Variants in SLC4A1 observed in about 807,000 individuals in gnomAD.
SLC4A1 encodes solute carrier family 4 member 1 (Diego blood group), also known as band 3 anion transport protein.
Under a neutral mutation model 93.1 loss-of-function variants are expected in SLC4A1, and 29 were observed. The ratio of observed to expected loss-of-function variants is 0.31; its 90% CI spans 0.23 to 0.42. The LOEUF (loss-of-function observed/expected upper bound fraction) is 0.42. Among genes scored for constraint, SLC4A1 ranks in the 20% least tolerant of loss-of-function variants. The pLI is 1.00. For missense variants in SLC4A1, 965 were observed against 1,190.1 expected (o/e 0.81, Z 2.78); for synonymous variants, 469 against 497.2 (o/e 0.94, Z 0.76).
rs1348593690 is a variant in SLC4A1 at position 44,262,905 on chromosome 17, A to T, written c.-39T>A. 6.2e-7 allele frequency: 1 copy of T among 1,613,810 alleles called. No homozygotes were observed. Among genetic ancestry groups the T allele is most frequent in the Non-Finnish European group, 8.5e-7 (1 of 1,180,014 alleles). On this transcript the variant is annotated 5_prime_UTR_variant, in exon 2 of 20. Coordinates refer to ENST00000262418, the MANE Select transcript of SLC4A1 (RefSeq NM_000342.4). ...GTGTCCAGTTGTCTACGGTGATCTGAGCCCCCAGCATAACCCGCACCGCGG... is the reference window on the plus strand; with the variant it reads ...GTGTCCAGTTGTCTACGGTGATCTGTGCCCCCAGCATAACCCGCACCGCGG...
At chr17:44,259,053 TG>T in intron 9 of SLC4A1, 109 bp downstream of exon 9, 1 of 1,145,974 alleles carries the variant, frequency 8.7e-7, no homozygotes, top group Non-Finnish European at 1.3e-6. Context: ...TTAGGCTGAA[TG>T]GGTCAAACCA....
chr17:44,253,625 C>A (rs753147872), intron 16 of SLC4A1, among the ~76,000 whole-genome samples: 4 of 152,114 alleles, frequency 2.6e-5, no homozygotes, highest in Non-Finnish European at 4.4e-5. Context: ...TTGTACAGGC[C>A]CCTCCAAGAT....
Position 44,252,928 on chromosome 17 carries a change from C to T in SLC4A1, c.2311+190G>A, listed in dbSNP as rs1480238868. Among the ~76,000 whole-genome samples, 3 of 152,158 alleles carry T rather than the reference C, an allele frequency of 2.0e-5. No individual in the cohort carries two copies. In the East Asian group the frequency reaches 5.8e-4, roughly 29 times the overall value. On this transcript the variant is annotated intron_variant, in intron 17 of 19. Coordinates refer to ENST00000262418, the MANE Select transcript of SLC4A1 (RefSeq NM_000342.4). ...AGCCCCCTTCCTCCCTGCTCAGACG[C>T]CCAGCCCAGTGCCTTGGCCTTTCCT... is the stretch of plus-strand genomic sequence containing the variant.
At chr17:44,261,708 C>G (rs2047446742) in intron 3 of SLC4A1, 72 bp from the exon 4 acceptor site, 1 of 1,612,828 alleles carries the variant, frequency 6.2e-7, no homozygotes, top group East Asian at 2.2e-5. Flanking sequence ...CCACTGTGAG[C>G]CTCAGAGACC....
intron 17 of SLC4A1, 130 bp from the exon 18 acceptor site, chr17:44,251,718 T>A (rs2047342275): frequency 1.8e-6 from 1 of 553,474 alleles, no homozygotes; most frequent in Non-Finnish European, 2.9e-6. Context: ...TCCTTTTCTT[T>A]TCTTTTTTTT....
intron 13 of SLC4A1, 64 bp from the exon 14 acceptor site, chr17:44,255,910 C>A (rs2047385037): frequency 6.8e-7 from 1 of 1,479,260 alleles, no homozygotes; most frequent in African/African-American, 1.4e-5. Flanking sequence ...AAAATACCAC[C>A]AGCTAACTCT....
chr17:44,265,240 T>G (rs1314188354), intron 1 of SLC4A1, among the ~76,000 whole-genome samples: 2 of 151,782 alleles, frequency 1.3e-5, no homozygotes, highest in Non-Finnish European at 2.9e-5. Context: ...CGAGGTGACA[T>G]GGACCCCAGG....
rs375505263 is a variant in SLC4A1 at position 44,251,497 on chromosome 17, G to T, written c.2403C>A (p.Ser801Arg). 6.2e-7 allele frequency: 1 copy of T among 1,614,142 alleles called. No homozygotes were observed. Among genetic ancestry groups the T allele is most frequent in the Non-Finnish European group, 8.5e-7 (1 of 1,180,026 alleles). ...IFLYMGVTSL[S>R]GIQLFDRILL... ...AGATGCGGTCAAAGAGCTGGATGCC[G>T]CTGAGCGACGTGACCCCCATGTAGA... The change falls in exon 18 of 20, where the codon AGC becomes AGA. Residue 801 changes from serine to arginine, a missense_variant. Ser to Arg is a moderately radical substitution (Grantham distance 110). Around this residue, in one of 2 missense-constraint regions of SLC4A1, gnomAD observed 770 missense variants for 1,006.6 expected, o/e 0.76. Coordinates refer to ENST00000262418, the MANE Select transcript of SLC4A1 (RefSeq NM_000342.4).
At chr17:44,266,399 G>A (rs113793655) in intron 1 of SLC4A1, among the ~76,000 whole-genome samples, 24 of 152,320 alleles carry the variant, frequency 1.6e-4, no homozygotes, top group African/African-American at 5.8e-4. Context: ...ATGGGGCTGG[G>A]ACTGTGGCCT....
Position 44,255,862 on chromosome 17 carries a change from A to G in SLC4A1, c.1627-16T>C, listed in dbSNP as rs1378126681. 1 of 1,614,054 alleles carries G rather than the reference A, an allele frequency of 6.2e-7. No individual in the cohort carries two copies. The highest frequency in any genetic ancestry group is 1.1e-5 in the South Asian group (1 of 91,072). On this transcript the variant is annotated splice_polypyrimidine_tract_variant and intron_variant, in intron 13 of 19. Transcript: ENST00000262418. ...CCTGGAAGATCTGCAGCAGAAAACC[A>G]AGGCATTCTGTTCTCTCCCAGCTTT... is the stretch of plus-strand genomic sequence containing the variant.
chr17:44,249,231 T>G lies in SLC4A1; in HGVS notation c.*1227A>C, dbSNP rs141425539. On this transcript the variant is annotated 3_prime_UTR_variant, in exon 20 of 20. Coordinates refer to ENST00000262418, the MANE Select transcript of SLC4A1 (RefSeq NM_000342.4). ...TCTCACCACTTTCACGTCTTTCAAC[T>G]CTTTTTATCTTTTTGTTTTATAAAA... 3.8e-3 allele frequency: 1,708 copies of G among 448,152 alleles called. 14 individuals are homozygous for G. Among genetic ancestry groups the G allele is most frequent in the South Asian group, 6.8e-3 (427 of 62,800 alleles). 27.8% of individuals were successfully genotyped at this position (448,152 alleles called of 1,614,324 possible).
chr17:44,251,182 A>G lies in SLC4A1; in HGVS notation c.2632T>C (p.Phe878Leu). ...PLRRVLLPLI[F>L]RNVELQCLDA... ...ACACACTGAAGCTCCACGTTCCTGAAGATGAGCGGCAGCAGGACGCGCCGC... is the reference window on the plus strand; with the variant it reads ...ACACACTGAAGCTCCACGTTCCTGAGGATGAGCGGCAGCAGGACGCGCCGC... The change falls in exon 19 of 20, where the codon TTC (phenylalanine) becomes CTC (leucine). Residue 878 changes from phenylalanine (F) to leucine (L), a missense_variant. By Grantham distance (22) the Phe-to-Leu change is conservative. This residue lies in a region of SLC4A1 where 770 missense variants were observed against 1,006.6 expected (regional missense o/e 0.76). Transcript: ENST00000262418. 1 of 1,609,746 alleles carries G rather than the reference A, an allele frequency of 6.2e-7. No homozygotes were observed. The highest frequency in any genetic ancestry group is 8.5e-7 in the Non-Finnish European group (1 of 1,178,200).
chr17:44,263,721 C>CCTTCCCTCCTTCCCTCCCTTCCCTCCTTT (rs2047470885), intron 1 of SLC4A1, among the ~76,000 whole-genome samples: 2 of 145,620 alleles, frequency 1.4e-5, no homozygotes, highest in African/African-American at 5.5e-5. Flanking sequence ...TTCCTTCCTT[C>CCTTCCCTCCTTCCCTCCCTTCCCTCCTTT]CTTCCTTCCT....
intron 4 of SLC4A1, 107 bp downstream of exon 4, chr17:44,261,468 C>G (rs1467385757): frequency 3.2e-6 from 5 of 1,573,718 alleles, no homozygotes; most frequent in Non-Finnish European, 4.4e-6. Flanking sequence ...GCTGCAGGGT[C>G]TCCCCCAGCC....
rs199656347 is a variant in SLC4A1 at position 44,262,741 on chromosome 17, C to T, written c.16-15G>A. ...TCATAATCATCCTGTGGGAAGTGGC[C>T]GCTGAGGCTGGGCTGTGAGGGGCTC... On this transcript the variant is annotated splice_polypyrimidine_tract_variant and intron_variant, in intron 2 of 19. Transcript: ENST00000262418. 193 of 1,613,190 alleles carry T rather than the reference C, an allele frequency of 1.2e-4. No individual in the cohort carries two copies. The highest frequency in any genetic ancestry group is 1.1e-3 in the East Asian group (48 of 44,878).
chr17:44,257,595 C>A (rs1378682895), intron 12 of SLC4A1, 51 bp from the exon 13 acceptor site: 1 of 1,613,082 alleles, frequency 6.2e-7, no homozygotes. Context: ...TGGGGCAAGG[C>A]ACCATGCATC....
chr17:44,261,709 C>T (rs2047446761), intron 3 of SLC4A1, 73 bp from the exon 4 acceptor site: 2 of 1,612,850 alleles, frequency 1.2e-6, no homozygotes, highest in Non-Finnish European at 1.7e-6. Context: ...CACTGTGAGC[C>T]TCAGAGACCC....
Position 44,260,809 on chromosome 17 carries a change from C to T in SLC4A1, c.175G>A (p.Val59Met), listed in dbSNP as rs2047437641. Residue 59 changes from valine to methionine, a missense_variant, in exon 5 of 20, where the codon GTG (valine) becomes ATG (methionine). Around this residue, in one of 2 missense-constraint regions of SLC4A1, gnomAD observed 195 missense variants for 183.5 expected, o/e 1.06. Transcript: ENST00000262418. The part of the protein sequence containing the change: ...TSHPGTHKVY[V>M]ELQELVMDEK... ...TCCATCACCAGCTCCTGCAGCTCCA[C>T]ATAGACCTGTGGCCCCATGCGCCTG... 6.2e-7 allele frequency: 1 copy of T among 1,612,106 alleles called. No individual in the cohort carries two copies. The highest frequency in any genetic ancestry group is 8.5e-7 in the Non-Finnish European group (1 of 1,180,038).
At chr17:44,265,649 G>A (rs1321949315) in intron 1 of SLC4A1, among the ~76,000 whole-genome samples, 2 of 152,166 alleles carry the variant, frequency 1.3e-5, no homozygotes, top group African/African-American at 4.8e-5. Context: ...GGGATTACAG[G>A]TGTGAGCCAC....
Sources: allele counts gnomAD v4.1 joint callset (sites outside exome capture counted in the v4.1 genomes callset), GRCh38; gene constraint gnomAD v4.1.1; regional missense constraint gnomAD v4.1.1; transcripts MANE v1.5; gene names NCBI Gene and HGNC (gene_info 2026-07-23, HGNC 2026-07-21).